Variants in TDP2 observed in about 807,000 individuals in gnomAD.
TDP2 encodes 5'-Tyr-DNA phosphodiesterase.
A neutral mutation model predicts 42.8 loss-of-function variants in TDP2; 38 were observed. The ratio of observed to expected loss-of-function variants is 0.89; its 90% CI spans 0.68 to 1.16. TDP2 has a LOEUF of 1.16. Among genes scored for constraint, TDP2 ranks in the 50% most tolerant of loss-of-function variants. TDP2 has a pLI of 0.00. For missense variants in TDP2, 439 were observed against 439.3 expected, an observed-to-expected ratio of 1.00 and a Z score of 0.01; for synonymous variants, 173 against 150.6, an observed-to-expected ratio of 1.15 and a Z score of -1.09.
chr6:24,666,828 T>A lies in TDP2; in HGVS notation c.35A>T (p.Glu12Val). The change falls in exon 1 of 7, where the codon GAG (glutamate) becomes GTG (valine). Residue 12 changes from glutamate (E) to valine (V), a missense_variant. Coordinates refer to ENST00000378198, the MANE Select transcript of TDP2 (RefSeq NM_016614.3). ...AGGCTCGCCCTCTTCCTCCGCCGCC[T>A]CCCTCCCGCCCTCCAGGCAACTCCC... ...ELGSCLEGGREAAEEEGEPEV... is the reference protein window; with the variant it reads ...ELGSCLEGGRVAAEEEGEPEV... 6.2e-7 allele frequency: 1 copy of A among 1,613,992 alleles called. No individual in the cohort carries two copies. Among genetic ancestry groups the A allele is most frequent in the Non-Finnish European group, 8.5e-7 (1 of 1,179,986 alleles).
rs957700924 is a variant in TDP2 at position 24,653,248 on chromosome 6, T to C, written c.637-95A>G. ...GCAGATTGTTCTGTCAAATGGTATA[T>C]ATTTACTAAACTGAAACTGTAAAAT... On this transcript the variant is annotated intron_variant, in intron 5 of 6. Coordinates refer to ENST00000378198, the MANE Select transcript of TDP2 (RefSeq NM_016614.3). 19 of 1,282,990 alleles carry C rather than the reference T, an allele frequency of 1.5e-5. No homozygotes were observed. The East Asian group carries it at 1.9e-4, about 13-fold the overall frequency. 79.5% of individuals were successfully genotyped at this position (1,282,990 alleles called of 1,614,324 possible). A position where few individuals can be genotyped will look rare whatever the true frequency, so the allele number is the denominator to read the frequency against.
intron 2 of TDP2, among the ~76,000 whole-genome samples, chr6:24,660,871 T>C (rs780372154): frequency 3.3e-5 from 5 of 152,234 alleles, no homozygotes; most frequent in Non-Finnish European, 5.9e-5. Context: ...ATTGGGCTTA[T>C]GTTTTCCTAT....
intron 6 of TDP2, 133 bp from the exon 7 acceptor site, chr6:24,651,202 C>T: frequency 2.8e-6 from 2 of 716,808 alleles, no homozygotes; most frequent in South Asian, 3.9e-5. Context: ...CAATGAGATA[C>T]ATTATAAAAA....
rs200729372 is a variant in TDP2, at chr6:24,657,898, C to T, written c.431G>A (p.Ser144Asn). The T allele has an allele frequency of 3.6e-4, 561 of 1,554,996 alleles. No individual in the cohort carries two copies. Among genetic ancestry groups the T allele is most frequent in the Non-Finnish European group, 4.5e-4 (516 of 1,149,164 alleles). ...TTCCTGTAGAAATATCACATCTGGG[C>T]TGTACCTAATGAAAAACATCAATTT... Reference protein sequence around the residue: ...RGVCSYLALYSPDVIFLQEVI... With the variant: ...RGVCSYLALYNPDVIFLQEVI... The change falls in exon 4 of 7, where the codon AGC becomes AAC. Residue 144 changes from serine (S) to asparagine (N), a missense_variant. Physicochemically the swap from Ser to Asn is conservative, Grantham distance 46. Transcript: ENST00000378198.
intron 3 of TDP2, among the ~76,000 whole-genome samples, 165 bp downstream of exon 3, chr6:24,658,396 G>A (rs1778090027): frequency 6.6e-6 from 1 of 152,200 alleles, no homozygotes; most frequent in Admixed American, 6.5e-5. Context: ...CCTCTTTGCT[G>A]CAGCCTGCAA....
At chr6:24,665,266 A>C (rs995657323) in intron 2 of TDP2, among the ~76,000 whole-genome samples, 2 of 152,238 alleles carry the variant, frequency 1.3e-5, no homozygotes, top group Non-Finnish European at 2.9e-5. Flanking sequence ...TTCCAGCTCC[A>C]TAGGAAGACT....
chr6:24,655,714 C>G (rs1417391051), intron 4 of TDP2, among the ~76,000 whole-genome samples: 1 of 152,190 alleles, frequency 6.6e-6, no homozygotes. Flanking sequence ...TACTCAGCTC[C>G]CTTCCCCTCA....
In TDP2 at chr6:24,666,592, A is replaced by C; in HGVS notation, c.185T>G (p.Phe62Cys). 4 of 1,614,154 alleles carry C rather than the reference A, an allele frequency of 2.5e-6. No individual in the cohort carries two copies. Among genetic ancestry groups the C allele is most frequent in the Non-Finnish European group, 3.4e-6 (4 of 1,180,024 alleles). The change falls in exon 2 of 7, where the codon TTC (phenylalanine) becomes TGC (cysteine). Residue 62 changes from phenylalanine to cysteine, a missense_variant. By Grantham distance (205) the Phe-to-Cys change is radical. Coordinates refer to ENST00000378198, the MANE Select transcript of TDP2 (RefSeq NM_016614.3). ...GGCGCTCTCCTCCACCGGAGGCTCG[A>C]AGTAGGAGTTCAGAGCCCTCTGAAA... ...WEMERALNSYFEPPVEESALE... is the reference protein window; with the variant it reads ...WEMERALNSYCEPPVEESALE...
At chr6:24,657,299 A>G (rs1289736754) in intron 4 of TDP2, among the ~76,000 whole-genome samples, 2 of 152,210 alleles carry the variant, frequency 1.3e-5, no homozygotes, top group African/African-American at 4.8e-5. Flanking sequence ...CCATTGAGGA[A>G]CCCTAGAACC....
rs143596142 is a variant in TDP2, at chr6:24,650,833, A to C, written c.1044T>G (p.Pro348=). The change falls in exon 7 of 7, where the codon CCT becomes CCG. Residue 348 remains proline, a synonymous_variant. Coordinates refer to ENST00000378198, the MANE Select transcript of TDP2 (RefSeq NM_016614.3). ...TGCACAGAAGACCCCAGTGATCACT[A>C]GGAAATCTACCACAGTCCAGTTTTT... ...GLEKLDCGRF[P]SDHWGLLCNL... The C allele has an allele frequency of 8.7e-4, 1,411 of 1,614,136 alleles. 4 individuals carry two copies. Among genetic ancestry groups the C allele is most frequent in the Middle Eastern group, 5.8e-3 (35 of 6,062 alleles).
At chr6:24,655,726 C>T (rs1446876320) in intron 4 of TDP2, among the ~76,000 whole-genome samples, 1 of 152,212 alleles carries the variant, frequency 6.6e-6, no homozygotes, top group African/African-American at 2.4e-5. Flanking sequence ...TTCCCCTCAC[C>T]TGCTTCCAGA....
chr6:24,666,535 G>A lies in TDP2; in HGVS notation c.242C>T (p.Pro81Leu), dbSNP rs756169471. 6.2e-7 allele frequency: 1 copy of A among 1,614,052 alleles called. No homozygotes were observed. Among genetic ancestry groups the A allele is most frequent in the South Asian group, 1.1e-5 (1 of 91,086 alleles). Residue 81 changes from proline to leucine, a missense_variant, in exon 2 of 7, where the codon CCC (proline) becomes CTC (leucine). By Grantham distance (98) the Pro-to-Leu change is moderately conservative. Transcript: ENST00000378198. ...LERRPETISE[P>L]KTYVDLTNEE... ...TCCCCTCATCACTTACTAGGTCTTG[G>A]GCTCAGAGATGGTTTCAGGTCGGCG...
At chr6:24,652,815 C>T (rs1777995701) in intron 6 of TDP2, 168 bp downstream of exon 6, 4 of 666,100 alleles carry the variant, frequency 6.0e-6, no homozygotes, top group African/African-American at 3.6e-5. Context: ...CCCCTTCTTC[C>T]CCTAGGCATA....
chr6:24,664,109 T>C (rs766080411), intron 2 of TDP2, among the ~76,000 whole-genome samples: 1 of 152,194 alleles, frequency 6.6e-6, no homozygotes, highest in Non-Finnish European at 1.5e-5. Context: ...TTAGGTTTTA[T>C]GTGTTAGGCC....
intron 4 of TDP2, among the ~76,000 whole-genome samples, chr6:24,655,962 T>C (rs1484482919): frequency 6.6e-6 from 1 of 152,178 alleles, no homozygotes; most frequent in African/African-American, 2.4e-5. Context: ...CATACTAAAC[T>C]GTAATCAACA....
In TDP2 at chr6:24,665,970, G is replaced by A. The variant is rs974434943; in HGVS notation, c.251+556C>T. The stretch of plus-strand genomic sequence containing the variant: ...AAAAAAGTAAAAGTTTGATAGGCCT[G>A]GAACCTGGAAAGGCAGGTTCTAAGT... On this transcript the variant is annotated intron_variant, in intron 2 of 6. Transcript: ENST00000378198. 3.6e-6 allele frequency: 4 copies of A among 1,103,930 alleles called. No individual in the cohort carries two copies. In the African/African-American group the frequency reaches 6.4e-5, roughly 18 times the overall value. 68.4% of individuals were successfully genotyped at this position (1,103,930 alleles called of 1,614,324 possible). A position where few individuals can be genotyped will look rare whatever the true frequency, so the allele number is the denominator to read the frequency against.
chr6:24,666,207 A>C (rs574368040), intron 2 of TDP2: 1 of 1,549,990 alleles, frequency 6.5e-7, no homozygotes, highest in Non-Finnish European at 8.7e-7. Context: ...TTTCGATAGA[A>C]GGTTTAGCCT....
intron 4 of TDP2, among the ~76,000 whole-genome samples, chr6:24,655,800 C>A (rs1304987831): frequency 1.3e-5 from 2 of 152,152 alleles, no homozygotes; most frequent in Non-Finnish European, 2.9e-5. Context: ...CTAAATAACT[C>A]TTTTTTGGAG....
In TDP2 at chr6:24,658,186, T is replaced by A. The variant is rs147997768; in HGVS notation, c.426-283A>T. Among the ~76,000 whole-genome samples, 191 of 152,354 alleles carry A rather than the reference T, an allele frequency of 1.3e-3. 1 individual carries two copies. Among genetic ancestry groups the A allele is most frequent in the Middle Eastern group, 3.4e-3 (1 of 294 alleles). ...CCTACACACTAAGAGATGCTTTCAA[T>A]GTTTCTTTCAATCCTCTTGAAGCAG... On this transcript the variant is annotated intron_variant, in intron 3 of 6. Transcript: ENST00000378198.
Sources: allele counts gnomAD v4.1 joint callset (sites outside exome capture counted in the v4.1 genomes callset), GRCh38; gene constraint gnomAD v4.1.1; transcripts MANE v1.5; gene names NCBI Gene and HGNC (gene_info 2026-07-23, HGNC 2026-07-21).